The following PPP1R9A variants were observed in gnomAD, a reference collection of about 807,000 sequenced individuals.
PPP1R9A encodes protein phosphatase 1 regulatory subunit 9A.
Under a neutral mutation model 141.9 loss-of-function variants are expected in PPP1R9A, and 59 were observed. The observed-to-expected ratio is 0.42, with a 90% CI of 0.34 to 0.52. The LOEUF (loss-of-function observed/expected upper bound fraction) is 0.52. Among genes scored for constraint, PPP1R9A ranks in the 20% least tolerant of loss-of-function variants. PPP1R9A has a pLI of 0.10. For missense variants in PPP1R9A, 1,444 were observed against 1,611.9 expected (o/e 0.90, Z 1.78); for synonymous variants, 500 against 569.7 (o/e 0.88, Z 1.74).
chr7:94,947,750 T>A (rs190153444), intron 2 of PPP1R9A, among the ~76,000 whole-genome samples: 1 of 152,218 alleles, frequency 6.6e-6, no homozygotes, highest in Non-Finnish European at 1.5e-5. Flanking sequence ...TGAGTATATA[T>A]GATAGTGACT....
chr7:95,269,576 A>G (rs1801838248), intron 14 of PPP1R9A, 69 bp downstream of exon 14: 8 of 1,286,222 alleles, frequency 6.2e-6, no homozygotes, highest in Non-Finnish European at 8.4e-6. Context: ...ACTTTTTCTC[A>G]TAATCATAAG....
chr7:95,282,039 G>C (rs1918479), intron 16 of PPP1R9A, among the ~76,000 whole-genome samples: 12,021 of 152,116 alleles, frequency 0.079, 567 homozygotes, highest in Admixed American at 0.12. Context: ...CTAGAATGTG[G>C]AACCTAAGCT....
chr7:95,025,682 C>T (rs915303621), intron 2 of PPP1R9A, among the ~76,000 whole-genome samples: 3 of 151,484 alleles, frequency 2.0e-5, no homozygotes, highest in African/African-American at 7.2e-5. Flanking sequence ...GACTTGGTTC[C>T]ATTCCCCCTG....
chr7:95,270,047 T>A (rs564224904), intron 14 of PPP1R9A, among the ~76,000 whole-genome samples: 160 of 152,316 alleles, frequency 1.1e-3, no homozygotes, highest in African/African-American at 3.7e-3. Context: ...CCACCTGCTT[T>A]TGTAAATGAA....
intron 16 of PPP1R9A, among the ~76,000 whole-genome samples, chr7:95,277,454 G>A (rs1356820587): frequency 6.6e-6 from 1 of 152,184 alleles, no homozygotes; most frequent in African/African-American, 2.4e-5. Context: ...GTTTGAGACA[G>A]TGTCTCACTC....
chr7:95,026,481 C>G (rs961007514), intron 2 of PPP1R9A, among the ~76,000 whole-genome samples: 1 of 152,142 alleles, frequency 6.6e-6, no homozygotes, highest in Admixed American at 6.5e-5. Flanking sequence ...CTCCAGATGC[C>G]AGCCGGAGCT....
At chr7:94,947,751 G>A (rs1048466970) in intron 2 of PPP1R9A, among the ~76,000 whole-genome samples, 1 of 152,066 alleles carries the variant, frequency 6.6e-6, no homozygotes, top group Admixed American at 6.6e-5. Context: ...GAGTATATAT[G>A]ATAGTGACTT....
intron 4 of PPP1R9A, among the ~76,000 whole-genome samples, chr7:95,138,988 C>A (rs1826160427): frequency 6.6e-6 from 1 of 152,220 alleles, no homozygotes; most frequent in African/African-American, 2.4e-5. Flanking sequence ...TCCAGCAATT[C>A]CACTCCAAGA....
At chr7:95,047,995 C>G (rs1165791259) in intron 2 of PPP1R9A, among the ~76,000 whole-genome samples, 1 of 152,084 alleles carries the variant, frequency 6.6e-6, no homozygotes, top group African/African-American at 2.4e-5. Flanking sequence ...TTTAATTATA[C>G]TTTCCCAAGT....
chr7:95,016,333 A>G (rs1805101188), intron 2 of PPP1R9A, among the ~76,000 whole-genome samples: 1 of 152,136 alleles, frequency 6.6e-6, no homozygotes, highest in South Asian at 2.1e-4. Flanking sequence ...GTCTTATGCC[A>G]CACATTTGAC....
intron 14 of PPP1R9A, among the ~76,000 whole-genome samples, chr7:95,271,046 G>A (rs1407561348): frequency 6.6e-6 from 1 of 152,130 alleles, no homozygotes; most frequent in Non-Finnish European, 1.5e-5. Context: ...GGGAAAAAAA[G>A]GGTAGGTAAG....
intron 2 of PPP1R9A, among the ~76,000 whole-genome samples, chr7:95,108,258 T>C (rs989186860): frequency 1.5e-5 from 2 of 135,110 alleles, no homozygotes; most frequent in Non-Finnish European, 3.3e-5. Context: ...AAGAGTGTAT[T>C]ACATTATTTT....
chr7:95,218,449 T>A (rs2152934447), intron 7 of PPP1R9A, among the ~76,000 whole-genome samples: 1 of 152,312 alleles, frequency 6.6e-6, no homozygotes, highest in African/African-American at 2.4e-5. Flanking sequence ...ATTCTGTTGA[T>A]TTGGGGTGGA....
intron 5 of PPP1R9A, among the ~76,000 whole-genome samples, chr7:95,171,523 A>G (rs1217887805): frequency 1.3e-5 from 2 of 151,620 alleles, no homozygotes; most frequent in Admixed American, 1.3e-4. Flanking sequence ...TACATATTCC[A>G]CAGATACTTT....
intron 16 of PPP1R9A, among the ~76,000 whole-genome samples, chr7:95,279,035 T>A (rs192711915): frequency 4.3e-4 from 66 of 152,358 alleles, no homozygotes; most frequent in Non-Finnish European, 8.4e-4. Flanking sequence ...TTATCATTGT[T>A]TATTAAAGCA....
chr7:95,280,179 G>A (rs1229630245), intron 16 of PPP1R9A, among the ~76,000 whole-genome samples: 3 of 152,152 alleles, frequency 2.0e-5, no homozygotes, highest in Non-Finnish European at 4.4e-5. Flanking sequence ...ACTCCTTGGT[G>A]GATGTTAGAA....
intron 2 of PPP1R9A, among the ~76,000 whole-genome samples, chr7:95,024,172 AT>A (rs1806450382): frequency 1.3e-5 from 2 of 151,926 alleles, no homozygotes; most frequent in African/African-American, 4.8e-5. Context: ...ATTCTTTTCC[AT>A]TTGCTGAGGA....
intron 7 of PPP1R9A, among the ~76,000 whole-genome samples, chr7:95,205,816 A>C (rs1790669802): frequency 6.6e-6 from 1 of 152,126 alleles, no homozygotes; most frequent in Non-Finnish European, 1.5e-5. Flanking sequence ...TTATCCATAA[A>C]TTCCCCCCAT....
intron 4 of PPP1R9A, among the ~76,000 whole-genome samples, chr7:95,145,236 T>G (rs1827391472): frequency 6.6e-6 from 1 of 152,226 alleles, no homozygotes; most frequent in Non-Finnish European, 1.5e-5. Flanking sequence ...GGAGATCACC[T>G]AATATTTACA....
Sources: gnomAD v4.1 joint callset for allele counts (sites outside exome capture counted in the v4.1 genomes callset) on GRCh38, gnomAD v4.1.1 for gene constraint, MANE v1.5 for transcripts, NCBI Gene and HGNC (gene_info 2026-07-23, HGNC 2026-07-21) for gene names.